The following PRMT3 variants were observed in gnomAD, a reference collection of about 807,000 sequenced individuals.
PRMT3 encodes protein arginine methyltransferase 3.
PRMT3 carries 62 observed loss-of-function variants against 71.9 expected under a neutral mutation model. The ratio of observed to expected loss-of-function variants is 0.86; its 90% CI spans 0.70 to 1.07. PRMT3 has a LOEUF of 1.07. Among genes scored for constraint, PRMT3 ranks in the 50% least tolerant of loss-of-function variants. PRMT3 has a pLI of 0.00. For missense variants in PRMT3, 663 were observed against 643.0 expected, an observed-to-expected ratio of 1.03 and a Z score of -0.34; for synonymous variants, 213 against 220.4, an observed-to-expected ratio of 0.97 and a Z score of 0.30.
chr11:20,464,927 G>A (rs1850473521), intron 13 of PRMT3, among the ~76,000 whole-genome samples: 1 of 151,974 alleles, frequency 6.6e-6, no homozygotes, highest in Non-Finnish European at 1.5e-5. Flanking sequence ...AATATTTTAT[G>A]TTTTATATTT....
At chr11:20,389,667 AAG>A in intron 2 of PRMT3, 75 bp from the exon 3 acceptor site, 1 of 809,116 alleles carries the variant, frequency 1.2e-6, no homozygotes, top group Non-Finnish European at 1.9e-6. Flanking sequence ...AAAAAAAAAA[AAG>A]TGTATATGTA....
At chr11:20,467,817 A>G (rs1850548307) in intron 13 of PRMT3, among the ~76,000 whole-genome samples, 1 of 152,186 alleles carries the variant, frequency 6.6e-6, no homozygotes, top group African/African-American at 2.4e-5. Context: ...AGCTTGACAT[A>G]TGTAAGATGT....
intron 13 of PRMT3, among the ~76,000 whole-genome samples, chr11:20,480,891 C>A (rs1850915512): frequency 6.6e-6 from 1 of 152,062 alleles, no homozygotes; most frequent in Admixed American, 6.6e-5. Flanking sequence ...GGATCAGATG[C>A]TCAATTATTA....
intron 13 of PRMT3, among the ~76,000 whole-genome samples, chr11:20,475,349 T>A (rs192204985): frequency 6.6e-6 from 1 of 152,210 alleles, no homozygotes; most frequent in Admixed American, 6.5e-5. Flanking sequence ...TCTCTGTGGG[T>A]TGAGATGTTT....
intron 13 of PRMT3, among the ~76,000 whole-genome samples, chr11:20,479,061 A>C (rs1178433498): frequency 1.3e-5 from 2 of 152,194 alleles, no homozygotes; most frequent in Non-Finnish European, 2.9e-5. Context: ...TGTATATTTT[A>C]ATAGGCTTCA....
intron 13 of PRMT3, among the ~76,000 whole-genome samples, 172 bp downstream of exon 13, chr11:20,464,718 C>CA (rs1416232715): frequency 1.3e-5 from 2 of 151,988 alleles, no homozygotes; most frequent in Non-Finnish European, 2.9e-5. Flanking sequence ...CAGTAAACTT[C>CA]AAAAAAGTTT....
At chr11:20,431,486 T>G (rs998066668) in intron 10 of PRMT3, among the ~76,000 whole-genome samples, 4 of 152,164 alleles carry the variant, frequency 2.6e-5, no homozygotes, top group Non-Finnish European at 5.9e-5. Flanking sequence ...TTTTAAGTAC[T>G]CTGTAACTCA....
chr11:20,439,378 T>C lies in PRMT3; in HGVS notation c.993+12513T>C, dbSNP rs1419774871. On this transcript the variant is annotated intron_variant, in intron 10 of 15. Transcript: ENST00000331079. Reference sequence around the variant, plus strand: ...GGGTGGTAGGAGACTGGTGTTCCCTTTCATTCTCAATGTGGCCATCCTGAG... The same window carrying C: ...GGGTGGTAGGAGACTGGTGTTCCCTCTCATTCTCAATGTGGCCATCCTGAG... 3.9e-5 allele frequency among the ~76,000 whole-genome samples: 6 copies of C among 152,284 alleles called. No homozygotes were observed. In the East Asian group the frequency reaches 1.2e-3, roughly 29 times the overall value.
rs200820978 is a variant in PRMT3, at chr11:20,426,831, T to C, written c.959T>C (p.Val320Ala). ...KGKIEEVHLPVEKVDVIISEW... is the reference protein window; with the variant it reads ...KGKIEEVHLPAEKVDVIISEW... ...AAGATTGAAGAAGTTCATCTTCCTG[T>C]AGAAAAAGTAGATGTTATCATATCT... Residue 320 changes from valine to alanine, a missense_variant, in exon 10 of 16, where the codon GTA (valine) becomes GCA (alanine). Transcript: ENST00000331079. 69 of 1,529,614 alleles carry C rather than the reference T, an allele frequency of 4.5e-5. No individual in the cohort carries two copies. Among genetic ancestry groups the C allele is most frequent in the Non-Finnish European group, 5.9e-5 (68 of 1,150,308 alleles). 94.8% of individuals were successfully genotyped at this position (1,529,614 alleles called of 1,614,324 possible).
intron 9 of PRMT3, among the ~76,000 whole-genome samples, chr11:20,417,769 C>G (rs978201942): frequency 6.6e-5 from 4 of 60,506 alleles, no homozygotes; most frequent in Non-Finnish European, 1.1e-4. Flanking sequence ...CTCTCTCTCT[C>G]TCTGTCACAC....
intron 13 of PRMT3, among the ~76,000 whole-genome samples, chr11:20,485,804 A>G (rs931045673): frequency 3.3e-5 from 5 of 152,238 alleles, no homozygotes; most frequent in African/African-American, 1.2e-4. Flanking sequence ...TCCAAAACAG[A>G]TGAAAGCAAC....
intron 13 of PRMT3, among the ~76,000 whole-genome samples, chr11:20,484,027 CTT>C (rs1851011161): frequency 1.3e-5 from 2 of 152,178 alleles, no homozygotes; most frequent in South Asian, 2.1e-4. Context: ...GACCATATCT[CTT>C]TATCATTTAA....
chr11:20,475,230 C>T (rs779120125), intron 13 of PRMT3, among the ~76,000 whole-genome samples: 31 of 152,144 alleles, frequency 2.0e-4, no homozygotes, highest in Non-Finnish European at 4.1e-4. Context: ...ATTATTATTT[C>T]TAACATTTAT....
intron 4 of PRMT3, 131 bp from the exon 5 acceptor site, chr11:20,392,766 A>G (rs1848744318): frequency 1.7e-6 from 1 of 591,262 alleles, no homozygotes; most frequent in African/African-American, 1.9e-5. Flanking sequence ...AGGCACGTAG[A>G]CTTTTTGGAG....
At chr11:20,467,336 G>C (rs1011576937) in intron 13 of PRMT3, among the ~76,000 whole-genome samples, 5 of 152,122 alleles carry the variant, frequency 3.3e-5, no homozygotes, top group African/African-American at 1.2e-4. Context: ...ATAACCATTT[G>C]AGATGAGTAC....
chr11:20,392,944 GGAGAAAGAAGA>G lies in PRMT3; in HGVS notation c.347_357del (p.Glu116ValfsTer9). The G allele has an allele frequency of 1.9e-6, 3 of 1,607,240 alleles. No homozygotes were observed. Among genetic ancestry groups the G allele is most frequent in the Non-Finnish European group, 2.6e-6 (3 of 1,173,862 alleles). On this transcript the variant is annotated frameshift_variant, in exon 5 of 16. Transcript: ENST00000331079. LOFTEE classifies it high-confidence loss of function. ...ATTCCATATACAACCCAGTGCCTTG[GGAGAAAGAAGA>G]GTATTTGAAGCCAGTATTAGAAGAT...
At chr11:20,488,253 T>C (rs553257049) in intron 13 of PRMT3, among the ~76,000 whole-genome samples, 3 of 152,354 alleles carry the variant, frequency 2.0e-5, no homozygotes, top group African/African-American at 7.2e-5. Context: ...ACGCCATTTA[T>C]TACTAGCACA....
intron 9 of PRMT3, among the ~76,000 whole-genome samples, chr11:20,414,660 T>A (rs1849263072): frequency 6.6e-6 from 1 of 152,176 alleles, no homozygotes. Flanking sequence ...TAGCTCATTA[T>A]TCAGACTTTC....
chr11:20,393,396 T>G (rs1326864554), intron 5 of PRMT3, among the ~76,000 whole-genome samples: 1 of 152,202 alleles, frequency 6.6e-6, no homozygotes, highest in East Asian at 1.9e-4. Context: ...AGAGCAAGAC[T>G]CTGTCTAAAA....
Sources: gnomAD v4.1 joint callset for allele counts (sites outside exome capture counted in the v4.1 genomes callset) on GRCh38, gnomAD v4.1.1 for gene constraint, MANE v1.5 for transcripts, NCBI Gene and HGNC (gene_info 2026-07-23, HGNC 2026-07-21) for gene names.